Variants in TSPAN18 observed in about 807,000 individuals in gnomAD.
TSPAN18 encodes the protein tetraspanin 18.
In TSPAN18, 14 loss-of-function variants were observed where a neutral mutation model predicts 27.3. The ratio of observed to expected loss-of-function variants is 0.51; its 90% CI spans 0.34 to 0.80. The LOEUF (loss-of-function observed/expected upper bound fraction) is 0.80, where lower values mean the gene tolerates loss of function less well. Among genes scored for constraint, TSPAN18 ranks in the 30% least tolerant of loss-of-function variants. The probability of loss-of-function intolerance (pLI) is 0.01; values close to 1 mark genes in which losing one functional copy is unlikely to be tolerated. For synonymous variants in TSPAN18, 143 were observed against 136.5 expected (o/e 1.05, Z -0.33); for missense variants, 268 against 323.9 (o/e 0.83, Z 1.32).
chr11:44,743,832 A>G (rs1375801074), intron 1 of TSPAN18, among the ~76,000 whole-genome samples: 1 of 152,248 alleles, frequency 6.6e-6, no homozygotes, highest in Non-Finnish European at 1.5e-5. Flanking sequence ...AGATGAAGAT[A>G]AAACTGATCC....
At chr11:44,903,745 A>G (rs1206643654) in intron 3 of TSPAN18, 3 of 455,950 alleles carry the variant, frequency 6.6e-6, no homozygotes, top group Admixed American at 2.4e-5. Flanking sequence ...ACTGAAGTAA[A>G]GACAAATCCG....
chr11:44,873,857 G>A (rs1590612973), intron 3 of TSPAN18, among the ~76,000 whole-genome samples: 1 of 152,210 alleles, frequency 6.6e-6, no homozygotes, highest in South Asian at 2.1e-4. Flanking sequence ...TGTGAAGGGA[G>A]CTGGCATTCC....
At chr11:44,910,024 A>G in intron 5 of TSPAN18, 125 bp downstream of exon 5, 1 of 1,175,236 alleles carries the variant, frequency 8.5e-7, no homozygotes, top group South Asian at 1.6e-5. Flanking sequence ...GCGGGCTGTC[A>G]AAGCAGAAGG....
intron 1 of TSPAN18, among the ~76,000 whole-genome samples, chr11:44,737,469 A>G (rs1483870627): frequency 6.6e-6 from 1 of 152,170 alleles, no homozygotes; most frequent in East Asian, 1.9e-4. Flanking sequence ...AGTGTGATAA[A>G]TCAATAGGCG....
intron 2 of TSPAN18, among the ~76,000 whole-genome samples, chr11:44,859,162 G>T (rs769744816): frequency 2.6e-5 from 4 of 152,294 alleles, no homozygotes; most frequent in African/African-American, 9.6e-5. Context: ...GGGGGCCCAC[G>T]CAGGTCTCTG....
At chr11:44,835,285 A>G (rs1241271966) in intron 2 of TSPAN18, among the ~76,000 whole-genome samples, 1 of 152,238 alleles carries the variant, frequency 6.6e-6, no homozygotes, top group Non-Finnish European at 1.5e-5. Flanking sequence ...TCACTGGACA[A>G]TTCATGCAAA....
At chr11:44,832,365 C>T (rs890365300) in intron 2 of TSPAN18, among the ~76,000 whole-genome samples, 1 of 152,200 alleles carries the variant, frequency 6.6e-6, no homozygotes, top group East Asian at 1.9e-4. Context: ...TGTTGGTGCT[C>T]CACTTGATGG....
intron 3 of TSPAN18, among the ~76,000 whole-genome samples, chr11:44,896,273 C>T (rs551058492): frequency 2.4e-4 from 36 of 152,254 alleles, no homozygotes; most frequent in Middle Eastern, 3.4e-3. Flanking sequence ...TTTCTGTAAA[C>T]GCCACTTTTG....
intron 3 of TSPAN18, among the ~76,000 whole-genome samples, chr11:44,891,164 C>T (rs1858838339): frequency 6.6e-6 from 1 of 152,210 alleles, no homozygotes; most frequent in Admixed American, 6.5e-5. Flanking sequence ...GGGCGAGACC[C>T]TGTCCCCCAA....
intron 2 of TSPAN18, among the ~76,000 whole-genome samples, chr11:44,792,070 T>A (rs1257713628): frequency 6.6e-6 from 1 of 152,328 alleles, no homozygotes; most frequent in South Asian, 2.1e-4. Flanking sequence ...GTATTCAATG[T>A]CAATTTATTT....
chr11:44,833,814 G>A (rs968259633), intron 2 of TSPAN18, among the ~76,000 whole-genome samples: 3 of 151,744 alleles, frequency 2.0e-5, no homozygotes, highest in African/African-American at 7.3e-5. Context: ...TCACCTGGTG[G>A]GTCTCTGGGA....
chr11:44,752,679 G>A (rs1172256058), intron 1 of TSPAN18, among the ~76,000 whole-genome samples: 1 of 152,168 alleles, frequency 6.6e-6, no homozygotes, highest in African/African-American at 2.4e-5. Context: ...CATAAATCTA[G>A]AATGAACATG....
chr11:44,790,736 C>A (rs1856199165), intron 2 of TSPAN18, among the ~76,000 whole-genome samples: 1 of 152,170 alleles, frequency 6.6e-6, no homozygotes, highest in Non-Finnish European at 1.5e-5. Context: ...AAAGATGATG[C>A]CATGAGGCTT....
At chr11:44,912,587 AATGTT>A (rs995996050) in intron 5 of TSPAN18, among the ~76,000 whole-genome samples, 23 of 152,102 alleles carry the variant, frequency 1.5e-4, no homozygotes, top group Admixed American at 3.3e-4. Flanking sequence ...TTATATGCAA[AATGTT>A]ATGTTATGTC....
At position 44,877,619 on chromosome 11, in the gene TSPAN18, G is replaced by A. The variant is rs532519075; in HGVS notation, c.-11+17150G>A. On this transcript the variant is annotated intron_variant, in intron 3 of 9. Transcript: ENST00000520358. ...GGGGCCTCAGAAAGCCAGAAAGGGA[G>A]GGGACGGGGAGAAACAGCCAGGTTA... 2.0e-5 allele frequency among the ~76,000 whole-genome samples: 3 copies of A among 152,272 alleles called. No individual in the cohort carries two copies. In the South Asian group the frequency reaches 6.2e-4, roughly 32 times the overall value.
chr11:44,742,749 C>T (rs1339080663), intron 1 of TSPAN18, among the ~76,000 whole-genome samples: 2 of 152,194 alleles, frequency 1.3e-5, no homozygotes, highest in African/African-American at 2.4e-5. Flanking sequence ...GGCTTGGTAC[C>T]GCTAATGCAA....
In TSPAN18 at chr11:44,779,799, C is replaced by T. The variant is rs538707711; in HGVS notation, c.-153+15287C>T. On this transcript the variant is annotated intron_variant, in intron 2 of 9. Transcript: ENST00000520358. ...CATGTCTATGTACACTCCTAAGTGCCTGCACATTCCTACCCACATCCTTGT... is the reference window on the plus strand; with the variant it reads ...CATGTCTATGTACACTCCTAAGTGCTTGCACATTCCTACCCACATCCTTGT... Among the ~76,000 whole-genome samples the T allele has an allele frequency of 2.6e-5, 4 of 152,252 alleles. No homozygotes were observed. The East Asian group carries it at 5.8e-4, about 22-fold the overall frequency.
chr11:44,856,867 C>T (rs921021657), intron 2 of TSPAN18, among the ~76,000 whole-genome samples: 6 of 145,088 alleles, frequency 4.1e-5, no homozygotes, highest in African/African-American at 1.2e-4. Context: ...CCTCTGTCTT[C>T]CTAGAATTGT....
At chr11:44,777,141 C>T (rs1855829728) in intron 2 of TSPAN18, among the ~76,000 whole-genome samples, 1 of 152,218 alleles carries the variant, frequency 6.6e-6, no homozygotes, top group Non-Finnish European at 1.5e-5. Flanking sequence ...GGTACCCTGC[C>T]TGGGGGATGC....
Sources: allele counts gnomAD v4.1 joint callset (sites outside exome capture counted in the v4.1 genomes callset), GRCh38; gene constraint gnomAD v4.1.1; transcripts MANE v1.5; gene names NCBI Gene and HGNC (gene_info 2026-07-23, HGNC 2026-07-21).